Variants in NUP62CL observed in about 807,000 individuals in gnomAD.
The protein encoded by NUP62CL is nucleoporin-62 C-terminal-like protein.
Under a neutral mutation model 15.3 loss-of-function variants are expected in NUP62CL, and 13 were observed. The ratio of observed to expected loss-of-function variants is 0.85; its 90% CI spans 0.55 to 1.35. NUP62CL has a LOEUF of 1.35. NUP62CL is among the 40% of genes most tolerant of loss of function. NUP62CL has a pLI of 0.00. For synonymous variants in NUP62CL, 54 were observed against 49.2 expected (o/e 1.10, Z -0.41); for missense variants, 123 against 130.6 (o/e 0.94, Z 0.28).
intron 8 of NUP62CL, among the ~76,000 whole-genome samples, chrX:107,145,828 A>T (rs1925870775): frequency 9.0e-6 from 1 of 111,196 alleles, no homozygotes; most frequent in South Asian, 3.8e-4. Context: ...GCTTGCTTCG[A>T]ATTTTTTTTC....
At chrX:107,190,134 AC>A (rs755178878) in intron 2 of NUP62CL, among the ~76,000 whole-genome samples, 113 of 111,574 alleles carry the variant, frequency 1.0e-3, no homozygotes, top group African/African-American at 3.5e-3. Context: ...TTTTACTGCA[AC>A]CTAACTGGAA....
At chrX:107,198,405 T>C (rs771437735) in intron 1 of NUP62CL, among the ~76,000 whole-genome samples, 12 of 111,597 alleles carry the variant, frequency 1.1e-4, no homozygotes, top group Non-Finnish European at 1.9e-5. Context: ...AGCAACCCAC[T>C]CGAGTCCCCT....
chrX:107,198,594 C>G (rs1288994738), intron 1 of NUP62CL, among the ~76,000 whole-genome samples: 1 of 111,409 alleles, frequency 9.0e-6, no homozygotes, highest in Non-Finnish European at 1.9e-5. Context: ...GACGCACCAC[C>G]TTTATGAGCT....
intron 8 of NUP62CL, among the ~76,000 whole-genome samples, chrX:107,139,828 AG>A (rs994795775): frequency 8.9e-6 from 1 of 112,009 alleles, no homozygotes; most frequent in African/African-American, 3.2e-5. Flanking sequence ...AAACGGAGGA[AG>A]GGAAGGATAC....
At chrX:107,202,827 C>A (rs1324575944) in intron 1 of NUP62CL, 1 of 105,132 alleles carries the variant, frequency 9.5e-6, no homozygotes, top group Non-Finnish European at 1.9e-5. Flanking sequence ...GAAGCCCAGT[C>A]CCTACCAAAA....
chrX:107,201,624 C>CA (rs754000601), intron 1 of NUP62CL, among the ~76,000 whole-genome samples: 1,990 of 90,947 alleles, frequency 0.022, 49 homozygotes, highest in African/African-American at 0.07. Context: ...TACTGCTGAC[C>CA]AAAAAAAAAA....
intron 7 of NUP62CL, 86 bp from the exon 8 acceptor site, chrX:107,147,895 G>T: frequency 2.7e-6 from 2 of 736,955 alleles, no homozygotes; most frequent in South Asian, 2.6e-5. Flanking sequence ...ATTAGGAAGT[G>T]ACTTTTAATT....
chrX:107,132,415 C>T (rs1925539248), intron 8 of NUP62CL: 3 of 406,295 alleles, frequency 7.4e-6, no homozygotes, highest in Non-Finnish European at 1.3e-5. Flanking sequence ...AGTCATAACA[C>T]AACTTATTTT....
In NUP62CL at chrX:107,192,713, T is replaced by G. The variant is rs145083349; in HGVS notation, c.-48+316A>C. On this transcript the variant is annotated intron_variant, in intron 2 of 8. Transcript: ENST00000372466. ...GTTGATTTAGAAATAACATATCATT[T>G]CTTTACCCAGTTTGTCTCTCAGAGA... Among the ~76,000 whole-genome samples, 163 of 112,071 alleles carry G rather than the reference T, an allele frequency of 1.5e-3. 4 individuals are homozygous for G. The East Asian group carries it at 0.039, about 27-fold the overall frequency.
rs1025807035 is a variant in NUP62CL, at chrX:107,187,544, C to T, written c.-48+5485G>A. On this transcript the variant is annotated intron_variant, in intron 2 of 8. Transcript: ENST00000372466. ...TCCCGAGTAGCTGGGATTACAGGTG[C>T]GCACCACCATGCCCGGCTGACTGTT... Among the ~76,000 whole-genome samples, 11 of 111,809 alleles carry T rather than the reference C, an allele frequency of 9.8e-5. 1 individual carries two copies. In the South Asian group the frequency reaches 1.1e-3, roughly 12 times the overall value.
chrX:107,197,913 T>C (rs1927392912), intron 1 of NUP62CL, among the ~76,000 whole-genome samples: 1 of 112,397 alleles, frequency 8.9e-6, no homozygotes, highest in African/African-American at 3.2e-5. Context: ...AATAAGTTTG[T>C]ATAGGACTCT....
At chrX:107,130,429 A>C (rs1190191375) in intron 8 of NUP62CL, among the ~76,000 whole-genome samples, 1 of 112,425 alleles carries the variant, frequency 8.9e-6, no homozygotes. Flanking sequence ...AGGTAGAATA[A>C]ACACCTTTTC....
intron 8 of NUP62CL, among the ~76,000 whole-genome samples, chrX:107,141,680 C>T (rs188263770): frequency 2.7e-5 from 3 of 111,908 alleles, no homozygotes; most frequent in East Asian, 5.6e-4. Context: ...GAAGAAGGCA[C>T]CTTAATTGGA....
intron 8 of NUP62CL, chrX:107,131,663 G>C: frequency 1.6e-6 from 1 of 621,091 alleles, no homozygotes; most frequent in South Asian, 2.3e-5. Flanking sequence ...GCGGGATCTG[G>C]AGGATGGAGA....
intron 4 of NUP62CL, among the ~76,000 whole-genome samples, chrX:107,163,539 C>T (rs779172023): frequency 6.0e-4 from 67 of 111,644 alleles, no homozygotes; most frequent in African/African-American, 1.9e-3. Context: ...ATGTGCTAAA[C>T]ATACCAATTA....
chrX:107,132,099 C>G, intron 8 of NUP62CL: 2 of 1,172,814 alleles, frequency 1.7e-6, no homozygotes, highest in Admixed American at 4.3e-5. Context: ...TAGCTTCAGC[C>G]CCAGATAAAT....
chrX:107,130,709 T>C (rs1217639008), intron 8 of NUP62CL, among the ~76,000 whole-genome samples: 1 of 111,475 alleles, frequency 9.0e-6, no homozygotes, highest in African/African-American at 3.3e-5. Flanking sequence ...AGGCAACTGA[T>C]AGATTTACAG....
intron 2 of NUP62CL, among the ~76,000 whole-genome samples, chrX:107,190,543 T>A (rs1927212855): frequency 8.9e-6 from 1 of 111,936 alleles, no homozygotes; most frequent in Non-Finnish European, 1.9e-5. Flanking sequence ...GAAGGGGCAC[T>A]TTGTATTTAA....
Position 107,148,943 on chromosome X carries a change from G to A in NUP62CL, c.531-1134C>T, listed in dbSNP as rs770511917. ...ACAGGAATATTATTGTTCAGAAAATGTTTTTCCCGTTTCTTGTCCAAGGAT... is the reference window on the plus strand; with the variant it reads ...ACAGGAATATTATTGTTCAGAAAATATTTTTCCCGTTTCTTGTCCAAGGAT... On this transcript the variant is annotated intron_variant, in intron 7 of 8. Coordinates refer to ENST00000372466, the MANE Select transcript of NUP62CL (RefSeq NM_017681.3). Among the ~76,000 whole-genome samples the A allele has an allele frequency of 3.6e-5, 4 of 111,454 alleles. No homozygotes were observed. In the South Asian group the frequency reaches 1.5e-3, roughly 42 times the overall value.
Sources: gnomAD v4.1 joint callset for allele counts (sites outside exome capture counted in the v4.1 genomes callset) on GRCh38, gnomAD v4.1.1 for gene constraint, MANE v1.5 for transcripts, NCBI Gene and HGNC (gene_info 2026-07-23, HGNC 2026-07-21) for gene names.